Variants in EGFL6 observed in about 807,000 individuals in gnomAD.
EGFL6 encodes epidermal growth factor-like protein 6.
In EGFL6, 42 loss-of-function variants were observed where a neutral mutation model predicts 43.1. The observed-to-expected ratio is 0.98, with a 90% CI of 0.76 to 1.26. The LOEUF is 1.26. Ranked by LOEUF, EGFL6 falls within the 50% of genes most tolerant of loss-of-function variation. The pLI, the probability that EGFL6 is intolerant of heterozygous loss-of-function variation, is 0.00. For missense variants in EGFL6, 429 were observed against 427.8 expected (o/e 1.00, Z -0.02); for synonymous variants, 164 against 163.2 (o/e 1.01, Z -0.04).
intron 11 of EGFL6, among the ~76,000 whole-genome samples, chrX:13,631,978 C>A (rs1569211834): frequency 9.0e-6 from 1 of 110,771 alleles, no homozygotes; most frequent in African/African-American, 3.3e-5. Context: ...TTTTAGTATT[C>A]ATCCTCTGTT....
rs780584224 is a variant in EGFL6, at chrX:13,619,149, G to C, written c.1103-14G>C. The C allele has an allele frequency of 3.3e-6, 4 of 1,205,343 alleles. No individual in the cohort carries two copies. Among genetic ancestry groups the C allele is most frequent in the South Asian group, 3.5e-5 (2 of 56,676 alleles). ...TAAGGTTTTTTTCTTAACTGACCAA[G>C]TGTTCTTTATTAGTCCCTAAGGTGA... On this transcript the variant is annotated splice_polypyrimidine_tract_variant and intron_variant, in intron 8 of 11. Coordinates refer to ENST00000361306, the MANE Select transcript of EGFL6 (RefSeq NM_015507.4).
chrX:13,594,458 C>T (rs1002387687), intron 2 of EGFL6, among the ~76,000 whole-genome samples: 1 of 111,495 alleles, frequency 9.0e-6, no homozygotes, highest in African/African-American at 3.3e-5. Context: ...TAATGTGCAG[C>T]ATTAAAAGAT....
intron 5 of EGFL6, among the ~76,000 whole-genome samples, chrX:13,605,409 CA>C (rs367909741): frequency 3.1e-3 from 321 of 102,091 alleles, no homozygotes; most frequent in African/African-American, 0.011. Flanking sequence ...CCCATTTCTA[CA>C]AAAAAAAAAT....
At chrX:13,622,578 C>T (rs911283887) in intron 9 of EGFL6, among the ~76,000 whole-genome samples, 3 of 111,837 alleles carry the variant, frequency 2.7e-5, no homozygotes, top group Non-Finnish European at 5.6e-5. Context: ...TCATTCTTCA[C>T]CCCCGCCCTT....
intron 1 of EGFL6, among the ~76,000 whole-genome samples, chrX:13,578,925 A>G (rs999763582): frequency 5.4e-5 from 6 of 111,763 alleles, no homozygotes; most frequent in African/African-American, 2.0e-4. Context: ...AAAGTATAAT[A>G]AAAATAAATA....
At chrX:13,613,234 T>C (rs2045702341) in intron 7 of EGFL6, among the ~76,000 whole-genome samples, 1 of 106,752 alleles carries the variant, frequency 9.4e-6, no homozygotes, top group African/African-American at 3.5e-5. Flanking sequence ...GTTTTGAAAA[T>C]TTCAGACTCT....
intron 4 of EGFL6, among the ~76,000 whole-genome samples, chrX:13,602,402 C>G (rs1422685615): frequency 8.9e-6 from 1 of 112,070 alleles, no homozygotes; most frequent in Non-Finnish European, 1.9e-5. Context: ...CAACAAGTGA[C>G]AAAAAAGCCA....
chrX:13,626,875 C>T, intron 10 of EGFL6, 136 bp from the exon 11 acceptor site: 1 of 668,184 alleles, frequency 1.5e-6, no homozygotes, highest in Non-Finnish European at 2.2e-6. Flanking sequence ...ACTTTTATTC[C>T]TATGTTCAAA....
chrX:13,617,539 A>G (rs184305490), intron 7 of EGFL6, among the ~76,000 whole-genome samples, 191 bp from the exon 8 acceptor site: 1 of 112,163 alleles, frequency 8.9e-6, no homozygotes, highest in Non-Finnish European at 1.9e-5. Context: ...TAAGATAACT[A>G]CCATAACAGT....
intron 7 of EGFL6, among the ~76,000 whole-genome samples, chrX:13,612,263 TG>T (rs2045693446): frequency 2.8e-5 from 3 of 108,931 alleles, no homozygotes; most frequent in Non-Finnish European, 5.7e-5. Flanking sequence ...ACGAGCATGC[TG>T]CCTTCAAGCA....
In EGFL6 at chrX:13,569,704, C is replaced by T. The variant is rs2045428198; in HGVS notation, c.-158C>T. 1.9e-5 allele frequency: 10 copies of T among 527,178 alleles called. No homozygotes were observed. Among genetic ancestry groups the T allele is most frequent in the Non-Finnish European group, 3.0e-5 (10 of 331,248 alleles). 43.4% of individuals were successfully genotyped at this position (527,178 alleles called of 1,213,427 possible). On this transcript the variant is annotated 5_prime_UTR_variant, in exon 1 of 12. Coordinates refer to ENST00000361306, the MANE Select transcript of EGFL6 (RefSeq NM_015507.4). ...GAGCGCCCCTGCCGCGGTGCCTGGCCTCCCCTCCCAGACTGCAGGGACAGC... is the reference window on the plus strand; with the variant it reads ...GAGCGCCCCTGCCGCGGTGCCTGGCTTCCCCTCCCAGACTGCAGGGACAGC...
intron 1 of EGFL6, among the ~76,000 whole-genome samples, chrX:13,583,046 T>G (rs1019484676): frequency 3.6e-5 from 4 of 111,132 alleles, no homozygotes; most frequent in Admixed American, 9.6e-5. Context: ...CTGCTTGAAA[T>G]CTACCTGTCA....
At chrX:13,603,954 T>C (rs2045647572) in intron 5 of EGFL6, among the ~76,000 whole-genome samples, 1 of 112,513 alleles carries the variant, frequency 8.9e-6, no homozygotes, top group South Asian at 3.6e-4. Flanking sequence ...GTATAATTAA[T>C]TTAACTGGAG....
At chrX:13,576,276 C>A (rs966177366) in intron 1 of EGFL6, among the ~76,000 whole-genome samples, 2 of 110,759 alleles carry the variant, frequency 1.8e-5, no homozygotes, top group Non-Finnish European at 3.8e-5. Flanking sequence ...GGGAAAGGTG[C>A]CACACACTCA....
Position 13,617,973 on chromosome X carries a change from A to C in EGFL6, c.1022A>C (p.Glu341Ala), listed in dbSNP as rs1185246020. ...GKKGNEEKMKEGLEDEKREEK... is the reference protein window; with the variant it reads ...GKKGNEEKMKAGLEDEKREEK... ...AAAGGGAATGAAGAGAAAATGAAAGAGGGGCTTGAGGATGAGAAAAGAGAA... is the reference window on the plus strand; with the variant it reads ...AAAGGGAATGAAGAGAAAATGAAAGCGGGGCTTGAGGATGAGAAAAGAGAA... Residue 341 changes from glutamate to alanine, a missense_variant, in exon 8 of 12, where the codon GAG becomes GCG. Glu to Ala is a moderately radical substitution (Grantham distance 107). Coordinates refer to ENST00000361306, the MANE Select transcript of EGFL6 (RefSeq NM_015507.4). 2 of 1,211,881 alleles carry C rather than the reference A, an allele frequency of 1.7e-6. No individual in the cohort carries two copies.
intron 7 of EGFL6, among the ~76,000 whole-genome samples, chrX:13,610,985 G>T (rs2045686173): frequency 9.0e-6 from 1 of 111,042 alleles, no homozygotes; most frequent in African/African-American, 3.3e-5. Context: ...CAGTTCTGAG[G>T]TGTGTTCTGC....
intron 1 of EGFL6, among the ~76,000 whole-genome samples, chrX:13,575,916 G>C (rs1224085369): frequency 8.9e-6 from 1 of 112,050 alleles, no homozygotes; most frequent in Non-Finnish European, 1.9e-5. Context: ...TTTCACAAAG[G>C]TGTGGGTAGT....
rs369859850 is a variant in EGFL6 at position 13,573,656 on chromosome X, A to C, written c.74+3721A>C. On this transcript the variant is annotated intron_variant, in intron 1 of 11. Coordinates refer to ENST00000361306, the MANE Select transcript of EGFL6 (RefSeq NM_015507.4). ...AACCATTTTCAATGTTATTTCAATC[A>C]ATCCTCTCAACAACCCTAAGAAATG... Among the ~76,000 whole-genome samples the C allele has an allele frequency of 8.9e-4, 100 of 112,255 alleles. No individual in the cohort carries two copies. The South Asian group carries it at 0.027, about 30-fold the overall frequency.
chrX:13,629,766 G>A (rs1253187362), intron 11 of EGFL6, among the ~76,000 whole-genome samples: 1 of 112,031 alleles, frequency 8.9e-6, no homozygotes, highest in Non-Finnish European at 1.9e-5. Flanking sequence ...GGCTGGGGGG[G>A]AAATTTAATC....
Sources: gnomAD v4.1 joint callset for allele counts (sites outside exome capture counted in the v4.1 genomes callset) on GRCh38, gnomAD v4.1.1 for gene constraint, MANE v1.5 for transcripts, NCBI Gene and HGNC (gene_info 2026-07-23, HGNC 2026-07-21) for gene names.